The following AKAP6 variants were observed in gnomAD, a reference collection of about 807,000 sequenced individuals.
AKAP6 encodes the protein A-kinase anchor protein 6.
Under a neutral mutation model 188.5 loss-of-function variants are expected in AKAP6, and 58 were observed. The observed-to-expected ratio is 0.31, with a 90% CI of 0.25 to 0.38. The LOEUF is 0.38. Among genes scored for constraint, AKAP6 ranks in the 10% least tolerant of loss-of-function variants. The pLI, the probability that AKAP6 is intolerant of heterozygous loss-of-function variation, is 1.00. For synonymous variants in AKAP6, 989 were observed against 998.6 expected, an observed-to-expected ratio of 0.99 and a Z score of 0.18; for missense variants, 2,710 against 2,740.0, an observed-to-expected ratio of 0.99 and a Z score of 0.24.
intron 7 of AKAP6, among the ~76,000 whole-genome samples, chr14:32,630,706 A>G (rs754157505): frequency 8.5e-5 from 13 of 152,102 alleles, no homozygotes; most frequent in South Asian, 2.1e-4. Flanking sequence ...TGTAAAGTCT[A>G]TGTAACAATG....
At chr14:32,414,263 AAGTGTATACCAGGG>A (rs1369247227) in intron 1 of AKAP6, among the ~76,000 whole-genome samples, 38 of 152,118 alleles carry the variant, frequency 2.5e-4, no homozygotes, top group African/African-American at 8.2e-4. Context: ...GTGTTCCCCA[AAGTGTATACCAGGG>A]AGTGCTGGTT....
intron 1 of AKAP6, among the ~76,000 whole-genome samples, chr14:32,395,970 A>C (rs1050425722): frequency 2.0e-5 from 3 of 152,074 alleles, no homozygotes; most frequent in Non-Finnish European, 2.9e-5. Flanking sequence ...GCTATACTTA[A>C]TGTCTGGTAA....
At chr14:32,535,491 C>T in intron 2 of AKAP6, 63 bp from the exon 3 acceptor site, 1 of 1,549,284 alleles carries the variant, frequency 6.5e-7, no homozygotes, top group Non-Finnish European at 8.8e-7. Flanking sequence ...TTTTCTACTA[C>T]CCTCACCTCC....
intron 12 of AKAP6, among the ~76,000 whole-genome samples, chr14:32,788,571 C>T (rs1431004519): frequency 6.6e-6 from 1 of 152,158 alleles, no homozygotes; most frequent in Non-Finnish European, 1.5e-5. Flanking sequence ...GCGAAAGGAA[C>T]CCCCACCCTC....
intron 12 of AKAP6, among the ~76,000 whole-genome samples, chr14:32,807,364 T>C (rs193116426): frequency 1.7e-4 from 26 of 152,078 alleles, no homozygotes; most frequent in African/African-American, 6.0e-4. Flanking sequence ...ACTCATTTTA[T>C]GTGACAAAAT....
At chr14:32,703,072 A>G (rs1011818925) in intron 9 of AKAP6, among the ~76,000 whole-genome samples, 2 of 152,200 alleles carry the variant, frequency 1.3e-5, no homozygotes, top group African/African-American at 4.8e-5. Context: ...TTCAAATTGA[A>G]GTTAATTTAT....
intron 3 of AKAP6, among the ~76,000 whole-genome samples, chr14:32,536,681 T>C (rs1882693171): frequency 6.6e-6 from 1 of 152,248 alleles, no homozygotes; most frequent in African/African-American, 2.4e-5. Flanking sequence ...TTATATTCAG[T>C]ACCTGAAAGA....
chr14:32,598,526 G>A (rs1885796619), intron 5 of AKAP6, among the ~76,000 whole-genome samples: 1 of 152,070 alleles, frequency 6.6e-6, no homozygotes, highest in Non-Finnish European at 1.5e-5. Flanking sequence ...CACAATTCCT[G>A]CAAACATCTA....
intron 4 of AKAP6, among the ~76,000 whole-genome samples, chr14:32,551,256 G>T (rs1433108568): frequency 6.6e-6 from 1 of 152,064 alleles, no homozygotes; most frequent in Non-Finnish European, 1.5e-5. Context: ...TCTCAGAGAG[G>T]ACTACTCTGA....
chr14:32,675,913 A>G (rs1889405628), intron 7 of AKAP6, among the ~76,000 whole-genome samples: 1 of 152,168 alleles, frequency 6.6e-6, no homozygotes, highest in East Asian at 1.9e-4. Context: ...ATGAATGCAG[A>G]TTATTTTTCT....
rs375809888 is a variant in AKAP6, at chr14:32,454,677, T to C, written c.324+20860T>C. On this transcript the variant is annotated intron_variant, in intron 2 of 13. Transcript: ENST00000280979. ...CCTCTCTCCTTCCCTCCTTCCCTCC[T>C]TCCCTCCTTCCCTCCCTCCCTCCCT... 4.9e-3 allele frequency among the ~76,000 whole-genome samples: 206 copies of C among 41,984 alleles called. 1 individual carries two copies. Among genetic ancestry groups the C allele is most frequent in the African/African-American group, 0.025 (90 of 3,558 alleles). The allele number at this position is 41,984 out of a possible 152,430, so 27.5% of individuals were successfully genotyped here.
At chr14:32,573,564 T>C (rs1884586745) in intron 4 of AKAP6, among the ~76,000 whole-genome samples, 1 of 152,208 alleles carries the variant, frequency 6.6e-6, no homozygotes, top group Non-Finnish European at 1.5e-5. Context: ...CTATATGTTC[T>C]GCTGAAATTT....
intron 7 of AKAP6, among the ~76,000 whole-genome samples, chr14:32,609,812 C>T (rs1313786998): frequency 6.6e-6 from 1 of 151,906 alleles, no homozygotes; most frequent in Admixed American, 6.6e-5. Context: ...ATTGGTTCCA[C>T]AGGCTGCCCA....
chr14:32,637,505 A>G (rs1383316703), intron 7 of AKAP6, among the ~76,000 whole-genome samples: 1 of 152,030 alleles, frequency 6.6e-6, no homozygotes, highest in African/African-American at 2.4e-5. Flanking sequence ...TTTTTTTGTT[A>G]TTTTATTTTT....
At chr14:32,722,792 C>T (rs1255648495) in intron 9 of AKAP6, among the ~76,000 whole-genome samples, 1 of 152,154 alleles carries the variant, frequency 6.6e-6, no homozygotes, top group Non-Finnish European at 1.5e-5. Context: ...CATACATCAC[C>T]TTTCCATCCA....
chr14:32,381,684 C>T (rs1888367168), intron 1 of AKAP6, among the ~76,000 whole-genome samples: 1 of 152,152 alleles, frequency 6.6e-6, no homozygotes, highest in South Asian at 2.1e-4. Flanking sequence ...AAGAGATCAA[C>T]ATCTTCTGCT....
intron 12 of AKAP6, among the ~76,000 whole-genome samples, chr14:32,790,341 G>A (rs930496417): frequency 4.6e-5 from 7 of 152,048 alleles, no homozygotes; most frequent in African/African-American, 1.7e-4. Context: ...ACCAAGACAG[G>A]TCAATGTTCA....
intron 7 of AKAP6, among the ~76,000 whole-genome samples, chr14:32,649,393 C>G (rs1888115888): frequency 6.6e-6 from 1 of 152,162 alleles, no homozygotes; most frequent in Admixed American, 6.5e-5. Context: ...AACCTATTCT[C>G]TACCATTTTC....
intron 12 of AKAP6, among the ~76,000 whole-genome samples, chr14:32,811,845 C>T (rs932552252): frequency 2.6e-5 from 4 of 152,120 alleles, no homozygotes; most frequent in Non-Finnish European, 5.9e-5. Flanking sequence ...CGGGATCATG[C>T]CAAGAATCTT....
Sources: allele counts gnomAD v4.1 joint callset (sites outside exome capture counted in the v4.1 genomes callset), GRCh38; gene constraint gnomAD v4.1.1; transcripts MANE v1.5; gene names NCBI Gene and HGNC (gene_info 2026-07-23, HGNC 2026-07-21).